MAP2: variants seen among roughly 807,000 people sequenced by gnomAD.
MAP2 encodes microtubule-associated protein 2.
In MAP2, 14 loss-of-function variants were observed where a neutral mutation model predicts 137.6. That is an observed-to-expected ratio of 0.10 (90% CI 0.07 to 0.16). The LOEUF (loss-of-function observed/expected upper bound fraction) is 0.16, where lower values mean the gene tolerates loss of function less well. Ranked by LOEUF, MAP2 falls within the 10% of genes least tolerant of loss-of-function variation. The pLI, the probability that MAP2 is intolerant of heterozygous loss-of-function variation, is 1.00. For synonymous variants in MAP2, 786 were observed against 782.3 expected (o/e 1.00, Z -0.08); for missense variants, 2,088 against 2,191.5 (o/e 0.95, Z 0.94).
At chr2:209,469,653 T>C (rs1214723386) in intron 1 of MAP2, among the ~76,000 whole-genome samples, 1 of 152,154 alleles carries the variant, frequency 6.6e-6, no homozygotes, top group Non-Finnish European at 1.5e-5. Context: ...TCAACCTCTC[T>C]GCCTTTCTGT....
intron 1 of MAP2, among the ~76,000 whole-genome samples, chr2:209,455,209 T>C (rs1701259714): frequency 6.6e-6 from 1 of 152,178 alleles, no homozygotes; most frequent in South Asian, 2.1e-4. Flanking sequence ...ATGTTTTCCT[T>C]ATACAATCTT....
intron 1 of MAP2, among the ~76,000 whole-genome samples, chr2:209,452,617 T>C (rs1381195587): frequency 6.6e-6 from 1 of 152,162 alleles, no homozygotes; most frequent in Non-Finnish European, 1.5e-5. Flanking sequence ...AATAAAACCA[T>C]ATTAAAGGAT....
chr2:209,590,493 G>A (rs957381286), intron 3 of MAP2, among the ~76,000 whole-genome samples: 2 of 151,952 alleles, frequency 1.3e-5, no homozygotes, highest in Admixed American at 6.6e-5. Context: ...GCGCCACCAC[G>A]CCTGGCTAAT....
chr2:209,544,788 T>C (rs1299471655), intron 2 of MAP2, among the ~76,000 whole-genome samples: 1 of 152,224 alleles, frequency 6.6e-6, no homozygotes, highest in African/African-American at 2.4e-5. Flanking sequence ...AATCTGTAAG[T>C]AGTCAGCATT....
At chr2:209,542,888 A>G (rs1425960215) in intron 2 of MAP2, among the ~76,000 whole-genome samples, 2 of 152,226 alleles carry the variant, frequency 1.3e-5, no homozygotes, top group Admixed American at 1.3e-4. Context: ...TATCAACAAT[A>G]AGGCTTTTCA....
chr2:209,532,620 A>G (rs2065298345), intron 2 of MAP2, among the ~76,000 whole-genome samples: 1 of 152,162 alleles, frequency 6.6e-6, no homozygotes, highest in Admixed American at 6.5e-5. Context: ...CTAATCTCAC[A>G]GATTCCTAAA....
At chr2:209,427,382 G>A (rs1692858259) in intron 1 of MAP2, among the ~76,000 whole-genome samples, 1 of 152,106 alleles carries the variant, frequency 6.6e-6, no homozygotes, top group Admixed American at 6.5e-5. Flanking sequence ...AGTTAAAGAT[G>A]CTAATAAACT....
intron 5 of MAP2, among the ~76,000 whole-genome samples, chr2:209,660,706 T>TTAC (rs1403152624): frequency 8.4e-6 from 1 of 118,514 alleles, no homozygotes; most frequent in Non-Finnish European, 1.7e-5. Flanking sequence ...GCTGCAATTA[T>TTAC]TATTATTATT....
At chr2:209,540,392 G>A (rs2066742470) in intron 2 of MAP2, among the ~76,000 whole-genome samples, 1 of 151,488 alleles carries the variant, frequency 6.6e-6, no homozygotes, top group African/African-American at 2.4e-5. Flanking sequence ...CCAGCACTTT[G>A]GAAGGCCCAG....
At chr2:209,557,418 G>GT (rs375461696) in intron 2 of MAP2, among the ~76,000 whole-genome samples, 21 of 151,960 alleles carry the variant, frequency 1.4e-4, no homozygotes, top group Admixed American at 5.2e-4. Flanking sequence ...AAAAAATGTG[G>GT]TTTTTTTTCC....
chr2:209,540,630 CAAAAAAAAAAAAAAAAAA>C (rs749183996), intron 2 of MAP2, among the ~76,000 whole-genome samples: 8 of 27,592 alleles, frequency 2.9e-4, no homozygotes, highest in African/African-American at 8.1e-4. Flanking sequence ...GACTCCGTCT[CAAAAAAAAAAAAAAAAAA>C]AAAAAAAAAA....
intron 1 of MAP2, among the ~76,000 whole-genome samples, chr2:209,494,302 G>A (rs551232529): frequency 2.0e-5 from 3 of 152,114 alleles, no homozygotes; most frequent in South Asian, 2.1e-4. Flanking sequence ...GGCAAGGAGA[G>A]GGATACCATT....
chr2:209,599,354 T>C (rs2082318490), intron 3 of MAP2, among the ~76,000 whole-genome samples: 1 of 152,126 alleles, frequency 6.6e-6, no homozygotes, highest in African/African-American at 2.4e-5. Flanking sequence ...ATTAGCCCTT[T>C]GTCAGATTTA....
chr2:209,446,143 GT>G (rs1244232103), intron 1 of MAP2, among the ~76,000 whole-genome samples: 1 of 151,680 alleles, frequency 6.6e-6, no homozygotes, highest in Non-Finnish European at 1.5e-5. Context: ...AAAAGTGTCA[GT>G]TTTCATATAG....
chr2:209,671,953 T>A (rs990543515), intron 5 of MAP2, among the ~76,000 whole-genome samples: 1 of 147,712 alleles, frequency 6.8e-6, no homozygotes. Flanking sequence ...CCAGGATCAT[T>A]GAAAAAGTTT....
chr2:209,642,555 C>T (rs187965605), intron 4 of MAP2, among the ~76,000 whole-genome samples: 1 of 152,224 alleles, frequency 6.6e-6, no homozygotes, highest in Non-Finnish European at 1.5e-5. Context: ...CTAGCAATAA[C>T]CTAATGTTAT....
At chr2:209,674,096 T>C (rs1189956625) in intron 5 of MAP2, among the ~76,000 whole-genome samples, 1 of 151,742 alleles carries the variant, frequency 6.6e-6, no homozygotes, top group African/African-American at 2.4e-5. Context: ...TTCTCTCATA[T>C]CTTTGCCTTG....
intron 3 of MAP2, among the ~76,000 whole-genome samples, chr2:209,594,257 A>G (rs2080617373): frequency 6.6e-6 from 1 of 151,814 alleles, no homozygotes; most frequent in Non-Finnish European, 1.5e-5. Context: ...GCCTGGATTT[A>G]TCTGTATTAG....
chr2:209,458,618 G>C (rs1702071764), intron 1 of MAP2, among the ~76,000 whole-genome samples: 1 of 152,114 alleles, frequency 6.6e-6, no homozygotes, highest in East Asian at 1.9e-4. Flanking sequence ...TGGGAGTTTA[G>C]GGAAAGTGAA....
Sources: allele counts gnomAD v4.1 joint callset (sites outside exome capture counted in the v4.1 genomes callset), GRCh38; gene constraint gnomAD v4.1.1; transcripts MANE v1.5; gene names NCBI Gene and HGNC (gene_info 2026-07-23, HGNC 2026-07-21).